The following NPAS3 variants were observed in gnomAD, a reference collection of about 807,000 sequenced individuals.
NPAS3 encodes the protein neuronal PAS domain protein 3.
Under a neutral mutation model 73.1 loss-of-function variants are expected in NPAS3, and 14 were observed. The ratio of observed to expected loss-of-function variants is 0.19; its 90% CI spans 0.13 to 0.30. The LOEUF is 0.30. NPAS3 is among the 10% of genes least tolerant of loss of function. NPAS3 has a pLI of 1.00. For synonymous variants in NPAS3, 620 were observed against 541.5 expected, an observed-to-expected ratio of 1.14 and a Z score of -2.01; for missense variants, 1,096 against 1,250.0, an observed-to-expected ratio of 0.88 and a Z score of 1.86.
intron 4 of NPAS3, among the ~76,000 whole-genome samples, chr14:33,516,151 C>CAGCT (rs1388616552): frequency 2.0e-5 from 3 of 152,078 alleles, no homozygotes; most frequent in Non-Finnish European, 4.4e-5. Flanking sequence ...TAAGGTTACA[C>CAGCT]AGCTAATCAT....
chr14:33,634,790 G>A (rs1349167546), intron 5 of NPAS3, among the ~76,000 whole-genome samples: 2 of 152,346 alleles, frequency 1.3e-5, no homozygotes, highest in African/African-American at 4.8e-5. Flanking sequence ...GTCCACGGCT[G>A]TGAATCATCA....
At chr14:33,503,964 A>C (rs2052639450) in intron 4 of NPAS3, among the ~76,000 whole-genome samples, 1 of 152,006 alleles carries the variant, frequency 6.6e-6, no homozygotes, top group Non-Finnish European at 1.5e-5. Context: ...TCCTATGTAC[A>C]ACAACCTTAT....
intron 5 of NPAS3, among the ~76,000 whole-genome samples, chr14:33,672,538 G>T (rs1595406102): frequency 6.6e-6 from 1 of 152,138 alleles, no homozygotes; most frequent in African/African-American, 2.4e-5. Flanking sequence ...CATTGGATTG[G>T]AGCTCTATTT....
At position 33,086,561 on chromosome 14, in the gene NPAS3, A is replaced by T. The variant is rs1471657029; in HGVS notation, c.140+30567A>T. Among the ~76,000 whole-genome samples, 4 of 152,206 alleles carry T rather than the reference A, an allele frequency of 2.6e-5. No homozygotes were observed. The East Asian group carries it at 7.7e-4, about 29-fold the overall frequency. On this transcript the variant is annotated intron_variant, in intron 2 of 11. Transcript: ENST00000356141. ...TTAACAGGACAGTAATGTAAGACAA[A>T]TAATGAAAGCAAATAAATGTTGTCA...
intron 4 of NPAS3, among the ~76,000 whole-genome samples, chr14:33,544,292 G>A (rs1232655333): frequency 6.6e-6 from 1 of 151,962 alleles, no homozygotes; most frequent in Non-Finnish European, 1.5e-5. Context: ...ATAGGCATGA[G>A]CCACTGCACC....
intron 5 of NPAS3, among the ~76,000 whole-genome samples, chr14:33,639,808 C>T (rs893437082): frequency 6.6e-6 from 1 of 152,196 alleles, no homozygotes; most frequent in African/African-American, 2.4e-5. Context: ...TGTTATCTGA[C>T]TTGACCAAGT....
At chr14:33,203,876 T>C (rs963624420) in intron 2 of NPAS3, among the ~76,000 whole-genome samples, 7 of 152,184 alleles carry the variant, frequency 4.6e-5, no homozygotes, top group Non-Finnish European at 7.4e-5. Flanking sequence ...TTTCTAGTTC[T>C]AGATCCCTGA....
intron 3 of NPAS3, among the ~76,000 whole-genome samples, chr14:33,287,700 C>T (rs183415167): frequency 2.6e-5 from 4 of 152,252 alleles, no homozygotes; most frequent in South Asian, 2.1e-4. Flanking sequence ...AATCTGGTTT[C>T]CTGTCACAGT....
intron 4 of NPAS3, among the ~76,000 whole-genome samples, chr14:33,516,549 C>T (rs2053307419): frequency 6.6e-6 from 1 of 152,122 alleles, no homozygotes; most frequent in African/African-American, 2.4e-5. Context: ...CTTCAGATCC[C>T]AGCTTGACCA....
chr14:33,325,228 A>G (rs930340131), intron 3 of NPAS3, among the ~76,000 whole-genome samples: 1 of 152,118 alleles, frequency 6.6e-6, no homozygotes, highest in Non-Finnish European at 1.5e-5. Flanking sequence ...GGTTCATGAG[A>G]TATTTTGATA....
intron 2 of NPAS3, among the ~76,000 whole-genome samples, chr14:33,174,063 T>A (rs1369730790): frequency 6.6e-6 from 1 of 152,220 alleles, no homozygotes; most frequent in Non-Finnish European, 1.5e-5. Context: ...TTTGCAGACA[T>A]GATTTACTAT....
chr14:33,090,530 C>T (rs2042188656), intron 2 of NPAS3, among the ~76,000 whole-genome samples: 2 of 152,176 alleles, frequency 1.3e-5, no homozygotes, highest in South Asian at 4.1e-4. Flanking sequence ...GAGACTTAGA[C>T]TCCCACACAA....
intron 1 of NPAS3, among the ~76,000 whole-genome samples, chr14:33,042,513 A>C (rs998556269): frequency 6.6e-6 from 1 of 152,202 alleles, no homozygotes; most frequent in Non-Finnish European, 1.5e-5. Context: ...AGCTCTGCCA[A>C]AATAAAACCT....
intron 4 of NPAS3, among the ~76,000 whole-genome samples, chr14:33,469,832 T>TA (rs935297169): frequency 1.3e-5 from 2 of 152,002 alleles, no homozygotes; most frequent in African/African-American, 2.4e-5. Context: ...GTTGCTGCAT[T>TA]AAAAAAAATT....
intron 5 of NPAS3, among the ~76,000 whole-genome samples, chr14:33,675,097 C>G (rs2059722475): frequency 6.6e-6 from 1 of 152,024 alleles, no homozygotes; most frequent in South Asian, 2.1e-4. Context: ...GTCTGAAGCT[C>G]TGGCAGCTTC....
intron 5 of NPAS3, among the ~76,000 whole-genome samples, chr14:33,622,861 T>C (rs1205769916): frequency 6.6e-6 from 1 of 152,212 alleles, no homozygotes; most frequent in East Asian, 1.9e-4. Context: ...AAGAATGCAT[T>C]AAGTAATTCT....
chr14:33,124,658 A>C (rs1173306553), intron 2 of NPAS3, among the ~76,000 whole-genome samples: 1 of 152,188 alleles, frequency 6.6e-6, no homozygotes, highest in Non-Finnish European at 1.5e-5. Context: ...AATGAAAGCT[A>C]TCTGAAGACT....
At chr14:33,189,407 A>G (rs541304237) in intron 2 of NPAS3, among the ~76,000 whole-genome samples, 184 of 152,316 alleles carry the variant, frequency 1.2e-3, no homozygotes, top group African/African-American at 4.2e-3. Flanking sequence ...GATATAGTGC[A>G]TGTTTCACCT....
intron 3 of NPAS3, among the ~76,000 whole-genome samples, chr14:33,252,396 C>T (rs2048619531): frequency 6.6e-6 from 1 of 151,898 alleles, no homozygotes; most frequent in Non-Finnish European, 1.5e-5. Context: ...TGTGTCTATT[C>T]ATATGTGTGT....
Sources: gnomAD v4.1 joint callset for allele counts (sites outside exome capture counted in the v4.1 genomes callset) on GRCh38, gnomAD v4.1.1 for gene constraint, MANE v1.5 for transcripts, NCBI Gene and HGNC (gene_info 2026-07-23, HGNC 2026-07-21) for gene names.